Variants in BBS9 observed in about 807,000 individuals in gnomAD.
BBS9 encodes the protein Bardet-Biedl syndrome 9, also known as protein PTHB1.
In BBS9, 89 loss-of-function variants were observed where a neutral mutation model predicts 117.7. The ratio of observed to expected loss-of-function variants is 0.76; its 90% CI spans 0.64 to 0.90. The LOEUF is 0.90. BBS9 is among the 40% of genes least tolerant of loss of function. The pLI, the probability that BBS9 is intolerant of heterozygous loss-of-function variation, is 0.00. For synonymous variants in BBS9, 379 were observed against 370.9 expected (o/e 1.02, Z -0.25); for missense variants, 982 against 1,042.2 (o/e 0.94, Z 0.80).
At chr7:33,144,505 G>A (rs964774143) in intron 1 of BBS9, among the ~76,000 whole-genome samples, 4 of 152,224 alleles carry the variant, frequency 2.6e-5, no homozygotes, top group Non-Finnish European at 4.4e-5. Context: ...CCCAGCTGAT[G>A]TTAAACAATG....
chr7:33,201,717 A>AT (rs11412956), intron 5 of BBS9, among the ~76,000 whole-genome samples: 14,287 of 148,438 alleles, frequency 0.096, 715 homozygotes, highest in South Asian at 0.15. Flanking sequence ...GTTTGGGGGC[A>AT]TTTTTTTTTT....
chr7:33,172,432 G>A (rs907931735), intron 4 of BBS9, among the ~76,000 whole-genome samples: 4 of 151,362 alleles, frequency 2.6e-5, no homozygotes, highest in African/African-American at 4.8e-5. Flanking sequence ...TCTAGACCTC[G>A]TCATGTCCAC....
chr7:33,347,718 T>G (rs1411291499), intron 12 of BBS9, among the ~76,000 whole-genome samples: 1 of 151,634 alleles, frequency 6.6e-6, no homozygotes, highest in Non-Finnish European at 1.5e-5. Context: ...GCCACTTGTA[T>G]ATTCTTGTAT....
At chr7:33,497,992 A>G (rs1169268192) in intron 19 of BBS9, among the ~76,000 whole-genome samples, 1 of 152,202 alleles carries the variant, frequency 6.6e-6, no homozygotes, top group Non-Finnish European at 1.5e-5. Flanking sequence ...ATTTTAAGAA[A>G]TAGTAACCAG....
rs148149818 is a variant in BBS9 at position 33,521,835 on chromosome 7, C to A, written c.2299-12119C>A. Among the ~76,000 whole-genome samples, 118 of 150,642 alleles carry A rather than the reference C, an allele frequency of 7.8e-4. 2 individuals carry two copies. The highest frequency in any genetic ancestry group is 2.8e-3 in the African/African-American group (113 of 40,942). ...TATGTATACATGTGCCATGCTGGTGCGCTGCACACACTAACTCATCATCTA... is the reference window on the plus strand; with the variant it reads ...TATGTATACATGTGCCATGCTGGTGAGCTGCACACACTAACTCATCATCTA... On this transcript the variant is annotated intron_variant, in intron 20 of 22. Coordinates refer to ENST00000242067, the MANE Select transcript of BBS9 (RefSeq NM_198428.3).
intron 5 of BBS9, among the ~76,000 whole-genome samples, chr7:33,249,251 A>ACACACACG (rs761285224): frequency 6.6e-6 from 1 of 151,544 alleles, no homozygotes; most frequent in South Asian, 2.1e-4. Flanking sequence ...ACACACACAC[A>ACACACACG]CGCGTACACT....
chr7:33,478,266 G>A (rs1842065495), intron 19 of BBS9, among the ~76,000 whole-genome samples: 1 of 152,144 alleles, frequency 6.6e-6, no homozygotes, highest in South Asian at 2.1e-4. Context: ...CAAAATGTTA[G>A]TTTCAGTTTC....
At chr7:33,560,000 A>T (rs906175915) in intron 21 of BBS9, among the ~76,000 whole-genome samples, 3 of 152,012 alleles carry the variant, frequency 2.0e-5, no homozygotes, top group African/African-American at 4.8e-5. Context: ...GCCTAACGCC[A>T]TTCATGACTC....
At chr7:33,565,803 A>ATACTGC (rs1856780830) in intron 21 of BBS9, among the ~76,000 whole-genome samples, 1 of 56,378 alleles carries the variant, frequency 1.8e-5, no homozygotes, top group African/African-American at 1.3e-4. Context: ...ATATATATAT[A>ATACTGC]TATATATATA....
intron 19 of BBS9, among the ~76,000 whole-genome samples, chr7:33,421,988 G>GA (rs1832921951): frequency 6.6e-6 from 1 of 152,080 alleles, no homozygotes; most frequent in Non-Finnish European, 1.5e-5. Context: ...GCACCACCCA[G>GA]AAAATCATAG....
intron 5 of BBS9, among the ~76,000 whole-genome samples, chr7:33,179,557 G>T (rs1797805378): frequency 1.3e-5 from 2 of 151,984 alleles, no homozygotes. Context: ...CTGATCATCT[G>T]TCATTGCCTC....
intron 21 of BBS9, among the ~76,000 whole-genome samples, chr7:33,537,567 A>T (rs1300603014): frequency 1.3e-5 from 2 of 152,224 alleles, no homozygotes; most frequent in Non-Finnish European, 2.9e-5. Flanking sequence ...TCTATTTTCC[A>T]GTCTCAGCTG....
At chr7:33,349,788 A>T (rs986507098) in intron 13 of BBS9, among the ~76,000 whole-genome samples, 2 of 152,146 alleles carry the variant, frequency 1.3e-5, no homozygotes. Flanking sequence ...TTAGTGATCT[A>T]TTTATTGAAT....
intron 21 of BBS9, among the ~76,000 whole-genome samples, chr7:33,604,596 G>A (rs1017046430): frequency 6.6e-6 from 1 of 152,130 alleles, no homozygotes; most frequent in Non-Finnish European, 1.5e-5. Flanking sequence ...TGTCCTTTCT[G>A]ACTTTAAAAA....
chr7:33,337,336 T>A (rs2128628138), intron 10 of BBS9, among the ~76,000 whole-genome samples: 1 of 152,258 alleles, frequency 6.6e-6, no homozygotes, highest in East Asian at 1.9e-4. Context: ...AGTATTTTTT[T>A]AATGTGAAAA....
intron 19 of BBS9, among the ~76,000 whole-genome samples, chr7:33,472,007 A>C (rs1266900991): frequency 6.8e-6 from 1 of 146,386 alleles, no homozygotes; most frequent in Admixed American, 6.9e-5. Flanking sequence ...GTCATTTCTT[A>C]GGGCAAAAAA....
intron 6 of BBS9, among the ~76,000 whole-genome samples, chr7:33,262,324 G>T (rs986562707): frequency 1.3e-5 from 2 of 152,026 alleles, no homozygotes; most frequent in Non-Finnish European, 2.9e-5. Flanking sequence ...AAGAGTTTTG[G>T]ACCTTTGTAA....
chr7:33,416,667 T>C (rs1039421176), intron 19 of BBS9, among the ~76,000 whole-genome samples: 1 of 152,186 alleles, frequency 6.6e-6, no homozygotes, highest in Non-Finnish European at 1.5e-5. Flanking sequence ...GCCTCAACAG[T>C]GCATGTGACA....
At chr7:33,406,593 T>C (rs192951943) in intron 19 of BBS9, among the ~76,000 whole-genome samples, 1 of 152,356 alleles carries the variant, frequency 6.6e-6, no homozygotes, top group African/African-American at 2.4e-5. Flanking sequence ...TTTCCATGTT[T>C]AGTGCTTCCT....
Sources: allele counts gnomAD v4.1 joint callset (sites outside exome capture counted in the v4.1 genomes callset), GRCh38; gene constraint gnomAD v4.1.1; transcripts MANE v1.5; gene names NCBI Gene and HGNC (gene_info 2026-07-23, HGNC 2026-07-21).